GNAT3: variants seen among roughly 807,000 people sequenced by gnomAD.
GNAT3 encodes G protein subunit alpha transducin 3.
A neutral mutation model predicts 37.7 loss-of-function variants in GNAT3; 31 were observed. That is an observed-to-expected ratio of 0.82 (90% CI 0.62 to 1.11). GNAT3 has a LOEUF of 1.11. Ranked by LOEUF, GNAT3 falls within the 50% of genes most tolerant of loss-of-function variation. The pLI, the probability that GNAT3 is intolerant of heterozygous loss-of-function variation, is 0.00. For synonymous variants in GNAT3, 138 were observed against 139.8 expected, an observed-to-expected ratio of 0.99 and a Z score of 0.09; for missense variants, 437 against 412.5, an observed-to-expected ratio of 1.06 and a Z score of -0.51.
intron 2 of GNAT3, among the ~76,000 whole-genome samples, chr7:80,493,720 T>A (rs1346086487): frequency 1.5e-5 from 2 of 134,884 alleles, no homozygotes; most frequent in African/African-American, 5.8e-5. Flanking sequence ...CTCCTCCTTC[T>A]CTTTCCTCCT....
At chr7:80,467,299 T>C (rs1318119872) in intron 5 of GNAT3, among the ~76,000 whole-genome samples, 1 of 152,152 alleles carries the variant, frequency 6.6e-6, no homozygotes, top group Admixed American at 6.6e-5. Flanking sequence ...AATCGTCTCA[T>C]TTTATGACTC....
chr7:80,467,947 T>A (rs917669206), intron 5 of GNAT3, among the ~76,000 whole-genome samples: 2 of 151,330 alleles, frequency 1.3e-5, no homozygotes. Flanking sequence ...TTATTTAAGT[T>A]TTTTTTTTAA....
At chr7:80,488,378 A>T (rs1010764985) in intron 3 of GNAT3, among the ~76,000 whole-genome samples, 157 bp downstream of exon 3, 1 of 152,200 alleles carries the variant, frequency 6.6e-6, no homozygotes, top group Non-Finnish European at 1.5e-5. Flanking sequence ...CAAGGAAAAT[A>T]AGAAATCTTA....
In GNAT3 at chr7:80,467,283, G is replaced by A. The variant is rs142896792; in HGVS notation, c.591-4652C>T. Among the ~76,000 whole-genome samples, 372 of 152,206 alleles carry A rather than the reference G, an allele frequency of 2.4e-3. 16 individuals carry two copies. In the South Asian group the frequency reaches 0.058, roughly 24 times the overall value. The stretch of plus-strand genomic sequence containing the variant: ...TCTGAAAGTCTCTCTTAGGTTGAAT[G>A]CTTATAATCGTCTCATTTTATGACT... On this transcript the variant is annotated intron_variant, in intron 5 of 7. Transcript: ENST00000398291.
chr7:80,479,737 G>A (rs529716430), intron 3 of GNAT3, among the ~76,000 whole-genome samples: 2 of 148,778 alleles, frequency 1.3e-5, no homozygotes, highest in African/African-American at 5.0e-5. Flanking sequence ...AAAAATTAGA[G>A]TAAAAATGGA....
intron 4 of GNAT3, among the ~76,000 whole-genome samples, chr7:80,476,409 T>C (rs73369016): frequency 0.052 from 7,655 of 146,500 alleles, 683 homozygotes; most frequent in African/African-American, 0.19. Context: ...TGGTAATTCT[T>C]AAAGCACATG....
Position 80,482,152 on chromosome 7 carries a change from T to C in GNAT3, c.304-3154A>G, listed in dbSNP as rs77323729. ...CAAGTATTTTACGGAGTTTGGCTTT[T>C]TTGTCAACAAATGGCCATATCAAGT... On this transcript the variant is annotated intron_variant, in intron 3 of 7. Coordinates refer to ENST00000398291, the MANE Select transcript of GNAT3 (RefSeq NM_001102386.3). 3.0e-3 allele frequency among the ~76,000 whole-genome samples: 453 copies of C among 152,294 alleles called. 10 individuals are homozygous for C. In the South Asian group the frequency reaches 0.048, roughly 16 times the overall value.
At position 80,494,619 on chromosome 7, in the gene GNAT3, A is replaced by T. The variant is rs1174363752; in HGVS notation, c.147T>A (p.Ile49=). The change falls in exon 2 of 8, where the codon ATT becomes ATA. Residue 49 remains isoleucine, a synonymous_variant. Transcript: ENST00000398291. ...TGTATACCTACTTCATTTGTTTAAC[A>T]ATAGTACTTTTCCCAGATTCTCCTG... ...LGAGESGKST[I]VKQMKIIHKN... is the part of the protein sequence containing the mutation. 13 of 1,527,396 alleles carry T rather than the reference A, an allele frequency of 8.5e-6. No homozygotes were observed. The highest frequency in any genetic ancestry group is 1.1e-5 in the Non-Finnish European group (12 of 1,115,066). 94.6% of individuals were successfully genotyped at this position (1,527,396 alleles called of 1,614,324 possible).
intron 4 of GNAT3, among the ~76,000 whole-genome samples, chr7:80,475,580 CAG>C (rs1433306015): frequency 6.6e-6 from 1 of 151,854 alleles, no homozygotes; most frequent in Non-Finnish European, 1.5e-5. Context: ...TCCATCGAGA[CAG>C]AATTTGTGAG....
In GNAT3 at chr7:80,462,803, A is replaced by G. The variant is rs78348886; in HGVS notation, c.591-172T>C. The stretch of plus-strand genomic sequence containing the variant: ...TTGGTCAAATGGCTGCTCAAGGACT[A>G]CAGAGAAAAAACAGTCTTTTAAAAT... On this transcript the variant is annotated intron_variant, in intron 5 of 7. Coordinates refer to ENST00000398291, the MANE Select transcript of GNAT3 (RefSeq NM_001102386.3). 6.9e-3 allele frequency among the ~76,000 whole-genome samples: 1,053 copies of G among 152,306 alleles called. 18 individuals carry two copies. Among genetic ancestry groups the G allele is most frequent in the African/African-American group, 0.024 (980 of 41,572 alleles).
chr7:80,458,961 A>G, intron 7 of GNAT3, 100 bp from the exon 8 acceptor site: 1 of 793,060 alleles, frequency 1.3e-6, no homozygotes. Context: ...ACTTTGATAT[A>G]CAAAGTATTG....
chr7:80,478,903 A>T lies in GNAT3; in HGVS notation c.399T>A (p.Asp133Glu). 6.2e-7 allele frequency: 1 copy of T among 1,613,386 alleles called. No homozygotes were observed. The highest frequency in any genetic ancestry group is 8.5e-7 in the Non-Finnish European group (1 of 1,179,564). ...LAEVIKRLWR[D>E]PGIQACFERA... ...TTTCAAAGCAGGCCTGAATTCCTGG[A>T]TCTCTCCACAGCCGTTTTATTACCT... Residue 133 changes from aspartate to glutamate, a missense_variant, in exon 4 of 8, where the codon GAT becomes GAA. Transcript: ENST00000398291.
At chr7:80,489,014 A>ATAT (rs1790541216) in intron 2 of GNAT3, among the ~76,000 whole-genome samples, 1 of 152,152 alleles carries the variant, frequency 6.6e-6, no homozygotes, top group Non-Finnish European at 1.5e-5. Flanking sequence ...GGACAAAGAT[A>ATAT]TATACAGAGT....
chr7:80,501,577 A>C (rs1212710865), intron 1 of GNAT3, among the ~76,000 whole-genome samples: 3 of 151,868 alleles, frequency 2.0e-5, no homozygotes, highest in East Asian at 1.9e-4. Flanking sequence ...TGTTTCTTGT[A>C]TTCATGATCC....
At chr7:80,465,559 G>A (rs914324614) in intron 5 of GNAT3, among the ~76,000 whole-genome samples, 1 of 152,078 alleles carries the variant, frequency 6.6e-6, no homozygotes, top group African/African-American at 2.4e-5. Context: ...GATAGATTCC[G>A]TGGCTATGAT....
At chr7:80,497,580 G>GCA (rs1562732711) in intron 1 of GNAT3, among the ~76,000 whole-genome samples, 1 of 129,514 alleles carries the variant, frequency 7.7e-6, no homozygotes, top group Non-Finnish European at 1.7e-5. Context: ...ATACATATAC[G>GCA]TATATACATA....
intron 1 of GNAT3, among the ~76,000 whole-genome samples, chr7:80,504,208 G>C (rs575915809): frequency 2.0e-5 from 3 of 152,202 alleles, no homozygotes; most frequent in Admixed American, 2.0e-4. Flanking sequence ...CCCAACTACT[G>C]TGGATGCTGA....
intron 5 of GNAT3, among the ~76,000 whole-genome samples, chr7:80,470,295 C>T (rs1197582659): frequency 6.6e-6 from 1 of 152,060 alleles, no homozygotes; most frequent in African/African-American, 2.4e-5. Flanking sequence ...GATCTTGGCT[C>T]ACTGCAACCT....
At chr7:80,500,253 C>T (rs1790809540) in intron 1 of GNAT3, among the ~76,000 whole-genome samples, 1 of 150,758 alleles carries the variant, frequency 6.6e-6, no homozygotes, top group East Asian at 1.9e-4. Flanking sequence ...GGCCTACACT[C>T]AGCTTGTGGT....
Sources: allele counts gnomAD v4.1 joint callset (sites outside exome capture counted in the v4.1 genomes callset), GRCh38; gene constraint gnomAD v4.1.1; transcripts MANE v1.5; gene names NCBI Gene and HGNC (gene_info 2026-07-23, HGNC 2026-07-21).